Variants in RABGAP1 observed in about 807,000 individuals in gnomAD.
RABGAP1 encodes the protein rab GTPase-activating protein 1.
In RABGAP1, 23 loss-of-function variants were observed where a neutral mutation model predicts 137.6. The ratio of observed to expected loss-of-function variants is 0.17; its 90% CI spans 0.12 to 0.24. The LOEUF is 0.24. RABGAP1 is among the 10% of genes least tolerant of loss of function. The pLI is 1.00. For synonymous variants in RABGAP1, 451 were observed against 450.7 expected (o/e 1.00, Z -0.01); for missense variants, 906 against 1,275.8 (o/e 0.71, Z 4.42).
intron 2 of RABGAP1, among the ~76,000 whole-genome samples, chr9:122,973,485 G>C (rs867286192): frequency 1.3e-5 from 2 of 151,828 alleles, no homozygotes. Context: ...CACCCGCCTC[G>C]GCCTCCCAAA....
intron 21 of RABGAP1, among the ~76,000 whole-genome samples, chr9:123,092,327 T>A (rs546420581): frequency 6.6e-5 from 10 of 152,306 alleles, no homozygotes; most frequent in African/African-American, 1.7e-4. Context: ...TGCAAAATAA[T>A]AAGAATTATA....
chr9:123,053,920 C>T (rs1286467443), intron 13 of RABGAP1, among the ~76,000 whole-genome samples: 1 of 152,184 alleles, frequency 6.6e-6, no homozygotes, highest in Non-Finnish European at 1.5e-5. Flanking sequence ...GGGTTTCCTA[C>T]AGTTCCCAGT....
At chr9:122,959,074 T>C (rs944073035) in intron 2 of RABGAP1, among the ~76,000 whole-genome samples, 4 of 151,966 alleles carry the variant, frequency 2.6e-5, no homozygotes, top group Non-Finnish European at 4.4e-5. Context: ...ACAGTAAAAC[T>C]TAAAAAAATT....
chr9:123,047,347 TAAATA>T (rs1276725187), intron 13 of RABGAP1, among the ~76,000 whole-genome samples: 2 of 152,196 alleles, frequency 1.3e-5, no homozygotes, highest in African/African-American at 4.8e-5. Context: ...AGTTTTTGCT[TAAATA>T]AAATGGAAGA....
At chr9:122,989,629 A>G (rs1199205323) in intron 5 of RABGAP1, 158 bp downstream of exon 5, 2 of 766,094 alleles carry the variant, frequency 2.6e-6, no homozygotes, top group Non-Finnish European at 4.1e-6. Flanking sequence ...ATATAAATTA[A>G]CTAAAAATTT....
chr9:122,997,163 T>A, intron 8 of RABGAP1, 96 bp from the exon 9 acceptor site: 1 of 825,052 alleles, frequency 1.2e-6, no homozygotes, highest in Non-Finnish European at 1.9e-6. Flanking sequence ...TATTCTTATA[T>A]TTTTGCAGCT....
chr9:122,932,243 T>A, the RABGAP1 span, among the ~76,000 whole-genome samples: 1 of 152,202 alleles, frequency 6.6e-6, no homozygotes. Context: ...GGCTTTTTAT[T>A]GAGGTAAAAC....
chr9:122,999,733 G>A (rs779375611), intron 10 of RABGAP1, among the ~76,000 whole-genome samples: 44 of 150,556 alleles, frequency 2.9e-4, no homozygotes, highest in Non-Finnish European at 5.9e-4. Context: ...TTTTTAACCA[G>A]ATTTGGGGGA....
At chr9:123,093,985 A>G (rs796391197) in intron 21 of RABGAP1, among the ~76,000 whole-genome samples, 4 of 152,280 alleles carry the variant, frequency 2.6e-5, no homozygotes, top group African/African-American at 9.6e-5. Context: ...TCAATTTACA[A>G]GACGTGCATG....
At chr9:123,003,990 C>T (rs2029965455) in intron 10 of RABGAP1, among the ~76,000 whole-genome samples, 1 of 152,176 alleles carries the variant, frequency 6.6e-6, no homozygotes, top group Admixed American at 6.5e-5. Context: ...CAATGTTGTA[C>T]AGATAATTAG....
intron 12 of RABGAP1, among the ~76,000 whole-genome samples, chr9:123,016,116 A>G (rs966746205): frequency 6.6e-5 from 10 of 152,192 alleles, no homozygotes; most frequent in South Asian, 2.1e-4. Flanking sequence ...TAAAATTCCT[A>G]CTAACACTTA....
Position 123,104,339 on chromosome 9 carries a change from A to G in RABGAP1, c.*1126A>G, listed in dbSNP as rs2035438396. On this transcript the variant is annotated 3_prime_UTR_variant, in exon 26 of 26. Coordinates refer to ENST00000373647, the MANE Select transcript of RABGAP1 (RefSeq NM_012197.4). Reference sequence around the variant, plus strand: ...TGGGCCTTTGGGCCCTCCTCAGAGTATGCCTGGGTACAAACCTCACTGTTC... The same window carrying G: ...TGGGCCTTTGGGCCCTCCTCAGAGTGTGCCTGGGTACAAACCTCACTGTTC... The G allele has an allele frequency of 6.6e-6, 1 of 152,202 alleles. No homozygotes were observed. Among genetic ancestry groups the G allele is most frequent in the East Asian group, 1.9e-4 (1 of 5,182 alleles). 9.4% of individuals were successfully genotyped at this position (152,202 alleles called of 1,614,324 possible). A position where few individuals can be genotyped will look rare whatever the true frequency, so the allele number is the denominator to read the frequency against.
intron 13 of RABGAP1, among the ~76,000 whole-genome samples, chr9:123,050,137 C>A (rs1044316825): frequency 6.6e-6 from 1 of 152,188 alleles, no homozygotes; most frequent in African/African-American, 2.4e-5. Context: ...TTCTGAAATG[C>A]CTTTAGTTAC....
At chr9:123,098,048 T>A (rs2035235400) in intron 22 of RABGAP1, among the ~76,000 whole-genome samples, 1 of 152,178 alleles carries the variant, frequency 6.6e-6, no homozygotes, top group African/African-American at 2.4e-5. Context: ...AGCCCATCCT[T>A]TGTTGGGGCA....
rs1554719839 is a variant in RABGAP1 at position 123,025,543 on chromosome 9, C to CTTTTTTCT, written c.1794+5090_1794+5091insCTTTTTTT. On this transcript the variant is annotated intron_variant, in intron 13 of 25. Transcript: ENST00000373647. Reference sequence around the variant, plus strand: ...TTTTATTTGTTCAGATCTTTCTTTTCTTTTTTTTTTTTTTTTTGCCTTCAA... The same window carrying CTTTTTTCT: ...TTTTATTTGTTCAGATCTTTCTTTTCTTTTTTCTTTTTTTTTTTTTTTTTTGCCTTCAA... Among the ~76,000 whole-genome samples, 19 of 74,998 alleles carry CTTTTTTCT rather than the reference C, an allele frequency of 2.5e-4. 1 individual carries two copies. Among genetic ancestry groups the CTTTTTTCT allele is most frequent in the Non-Finnish European group, 3.8e-4 (14 of 36,628 alleles). The allele number at this position is 74,998 out of a possible 152,430, so 49.2% of individuals were successfully genotyped here. A position where few individuals can be genotyped will look rare whatever the true frequency, so the allele number is the denominator to read the frequency against.
intron 2 of RABGAP1, among the ~76,000 whole-genome samples, chr9:122,973,325 C>T (rs1835572626): frequency 6.6e-6 from 1 of 152,136 alleles, no homozygotes; most frequent in Non-Finnish European, 1.5e-5. Context: ...GCAAGCTCCA[C>T]CTCTCGGGTT....
At chr9:123,006,592 T>C (rs1378921009) in intron 10 of RABGAP1, among the ~76,000 whole-genome samples, 3 of 152,114 alleles carry the variant, frequency 2.0e-5, no homozygotes, top group Non-Finnish European at 4.4e-5. Flanking sequence ...GTTGTAATTA[T>C]GTAGACTTTA....
chr9:122,951,151 T>C (rs1322436403), intron 1 of RABGAP1, among the ~76,000 whole-genome samples: 7 of 152,122 alleles, frequency 4.6e-5, no homozygotes, highest in African/African-American at 1.7e-4. Context: ...ATACTACTCT[T>C]TCAAGAAGAA....
intron 24 of RABGAP1, among the ~76,000 whole-genome samples, chr9:123,100,471 A>G (rs2035312868): frequency 6.6e-6 from 1 of 150,986 alleles, no homozygotes; most frequent in Non-Finnish European, 1.5e-5. Flanking sequence ...CATCCAGGCT[A>G]GAGTGCAGTG....
Sources: gnomAD v4.1 joint callset for allele counts (sites outside exome capture counted in the v4.1 genomes callset) on GRCh38, gnomAD v4.1.1 for gene constraint, MANE v1.5 for transcripts, NCBI Gene and HGNC (gene_info 2026-07-23, HGNC 2026-07-21) for gene names.